PRKCG: variants seen among roughly 807,000 people sequenced by gnomAD.
PRKCG encodes protein kinase C gamma type.
Under a neutral mutation model 82.0 loss-of-function variants are expected in PRKCG, and 28 were observed. That is an observed-to-expected ratio of 0.34 (90% CI 0.25 to 0.47). The LOEUF is 0.47. Among genes scored for constraint, PRKCG ranks in the 20% least tolerant of loss-of-function variants. PRKCG has a pLI of 1.00. For missense variants in PRKCG, 640 were observed against 952.7 expected (o/e 0.67, Z 4.32); for synonymous variants, 383 against 376.6 (o/e 1.02, Z -0.20).
rs370225238 is a variant in PRKCG at position 53,890,540 on chromosome 19, T to G, written c.529+523T>G. Among the ~76,000 whole-genome samples, 106 of 151,726 alleles carry G rather than the reference T, an allele frequency of 7.0e-4. 1 individual carries two copies. Among genetic ancestry groups the G allele is most frequent in the African/African-American group, 2.4e-3 (99 of 41,420 alleles). On this transcript the variant is annotated intron_variant, in intron 5 of 17. Coordinates refer to ENST00000263431, the MANE Select transcript of PRKCG (RefSeq NM_002739.5). ...CCCAAAGTGCTGGGATTAACAGGCG[T>G]GAGCCACCGCGCCTGGCCAATGGCT...
upstream of PRKCG, chr19:53,881,803 CA>C (rs1024208048): frequency 1.9e-5 from 3 of 154,056 alleles, no homozygotes; most frequent in African/African-American, 4.8e-5. Context: ...ATGGAGAGGC[CA>C]GGGGAGGAAA....
intron 14 of PRKCG, among the ~76,000 whole-genome samples, chr19:53,901,959 T>C (rs890529304): frequency 6.6e-6 from 1 of 151,824 alleles, no homozygotes; most frequent in Non-Finnish European, 1.5e-5. Flanking sequence ...ATTACCCGAC[T>C]TTGTTAAAGG....
intron 3 of PRKCG, among the ~76,000 whole-genome samples, chr19:53,885,395 A>AT (rs879905013): frequency 2.0e-4 from 31 of 151,504 alleles, no homozygotes; most frequent in Non-Finnish European, 3.8e-4. Context: ...CACCCCGCTA[A>AT]TTTTTTTTGT....
chr19:53,882,024 G>T (rs1326032090), upstream of PRKCG, among the ~76,000 whole-genome samples: 1 of 152,130 alleles, frequency 6.6e-6, no homozygotes, highest in African/African-American at 2.4e-5. This position sits in a 1 kb window ranked among gnomAD's most constrained non-coding sequence, Gnocchi z 6.1. Context: ...GTGGGGGGGA[G>T]CCAGGCTCAG....
intron 3 of PRKCG, among the ~76,000 whole-genome samples, chr19:53,886,572 TA>T (rs969578755): frequency 4.6e-5 from 7 of 151,316 alleles, no homozygotes; most frequent in African/African-American, 1.7e-4. Context: ...CCTAGCTAAT[TA>T]AAAAAAAATG....
chr19:53,893,312 C>T (rs373948184), intron 8 of PRKCG, 50 bp from the exon 9 acceptor site: 50 of 1,577,044 alleles, frequency 3.2e-5, no homozygotes, highest in East Asian at 4.5e-5. Context: ...TGTTCTAGGG[C>T]GATCCCCTGC....
chr19:53,904,404 G>A (rs2123025067), intron 15 of PRKCG, among the ~76,000 whole-genome samples: 1 of 147,586 alleles, frequency 6.8e-6, no homozygotes, highest in East Asian at 2.0e-4. Context: ...AGGCAGAATA[G>A]TACAGAGATG....
rs1284922278 is a variant in PRKCG at position 53,883,373 on chromosome 19, C to T, written c.202+179C>T. On this transcript the variant is annotated intron_variant, in intron 2 of 17. Coordinates refer to ENST00000263431, the MANE Select transcript of PRKCG (RefSeq NM_002739.5). The surrounding 1 kb of genome is among the most constrained non-coding windows in gnomAD (Gnocchi z 5.4). Reference sequence around the variant, plus strand: ...GGAGGGAGCTTTGATGGTGGGGCCACCGCGGAGGTGGTGCTGGGGGCCCCT... The same window carrying T: ...GGAGGGAGCTTTGATGGTGGGGCCATCGCGGAGGTGGTGCTGGGGGCCCCT... Among the ~76,000 whole-genome samples the T allele has an allele frequency of 1.3e-5, 2 of 151,178 alleles. No individual in the cohort carries two copies. The highest frequency in any genetic ancestry group is 6.6e-5 in the Admixed American group (1 of 15,246).
chr19:53,897,439 GC>G (rs1453720457), intron 9 of PRKCG, among the ~76,000 whole-genome samples: 2 of 152,152 alleles, frequency 1.3e-5, no homozygotes, highest in Non-Finnish European at 2.9e-5. Context: ...TCACCCAGAA[GC>G]TTTTTACACA....
chr19:53,890,397 C>G (rs2068665121), intron 5 of PRKCG, among the ~76,000 whole-genome samples: 1 of 151,658 alleles, frequency 6.6e-6, no homozygotes, highest in South Asian at 2.1e-4. Context: ...GCTGGGATTA[C>G]AGGCGCGTGT....
chr19:53,881,120 C>T (rs2068585242), upstream of PRKCG, among the ~76,000 whole-genome samples: 1 of 95,924 alleles, frequency 1.0e-5, no homozygotes, highest in South Asian at 5.2e-4. Context: ...GGAGAGAGAC[C>T]CCCCTAGCAT....
chr19:53,906,758 G>C lies in PRKCG; in HGVS notation c.1957G>C (p.Ala653Pro). The C allele has an allele frequency of 6.2e-7, 1 of 1,613,458 alleles. No individual in the cohort carries two copies. Among genetic ancestry groups the C allele is most frequent in the Non-Finnish European group, 8.5e-7 (1 of 1,180,008 alleles). Reference protein sequence around the residue: ...FDKFFTRAAPALTPPDRLVLA... With the variant: ...FDKFFTRAAPPLTPPDRLVLA... ...CAAGTTCTTCACGCGGGCGGCGCCA[G>C]CGCTGACCCCTCCAGACCGCCTAGT... Residue 653 changes from alanine to proline, a missense_variant, in exon 18 of 18, where the codon GCG (alanine) becomes CCG (proline). Ala to Pro is a conservative substitution (Grantham distance 27). Transcript: ENST00000263431.
rs756925547 is a variant in PRKCG at position 53,882,276 on chromosome 19, C to T, written c.-219C>T. ...GCTGCCGGCGCCCCTGCCTTTGGCT[C>T]TTCCTCCCCACTCGCCCGCTCCCCC... On this transcript the variant is annotated 5_prime_UTR_variant, in exon 1 of 18. Coordinates refer to ENST00000263431, the MANE Select transcript of PRKCG (RefSeq NM_002739.5). The surrounding 1 kb of genome is among the most constrained non-coding windows in gnomAD (Gnocchi z 6.1). 1.5e-6 allele frequency: 1 copy of T among 649,850 alleles called. No homozygotes were observed. The highest frequency in any genetic ancestry group is 1.7e-5 in the South Asian group (1 of 59,690). The allele number at this position is 649,850 out of a possible 1,614,324, so 40.3% of individuals were successfully genotyped here. A position where few individuals can be genotyped will look rare whatever the true frequency, so the allele number is the denominator to read the frequency against.
rs980671485 is a variant in PRKCG, at chr19:53,892,064, A to T, written c.686+234A>T. Among the ~76,000 whole-genome samples the T allele has an allele frequency of 2.6e-5, 4 of 152,158 alleles. No individual in the cohort carries two copies. Among genetic ancestry groups the T allele is most frequent in the Admixed American group, 6.6e-5 (1 of 15,266 alleles). On this transcript the variant is annotated intron_variant, in intron 6 of 17. Transcript: ENST00000263431. The surrounding 1 kb of genome is among the most constrained non-coding windows in gnomAD (Gnocchi z 5.9). ...AGTCTCCATTGAAGCCCCCAACTTT[A>T]GAGTTAGACAGAGATGAGAGAGAGA...
intron 9 of PRKCG, 144 bp downstream of exon 9, chr19:53,893,535 T>C (rs1277708063): frequency 2.7e-5 from 24 of 896,792 alleles, no homozygotes; most frequent in Non-Finnish European, 1.8e-6. Context: ...TGCTGAATAA[T>C]CCAGGATCCA....
In PRKCG at chr19:53,883,768, G is replaced by A. The variant is rs77398833; in HGVS notation, c.203-393G>A. Among the ~76,000 whole-genome samples the A allele has an allele frequency of 6.8e-3, 1,029 of 152,314 alleles. 11 individuals carry two copies. Among genetic ancestry groups the A allele is most frequent in the African/African-American group, 0.024 (996 of 41,574 alleles). ...CCCAAGTTGCTGCTTCCTGGGCTGCGTCTGAAGATATTTCGGTTTTCGCTC... is the reference window on the plus strand; with the variant it reads ...CCCAAGTTGCTGCTTCCTGGGCTGCATCTGAAGATATTTCGGTTTTCGCTC... On this transcript the variant is annotated intron_variant, in intron 2 of 17. Coordinates refer to ENST00000263431, the MANE Select transcript of PRKCG (RefSeq NM_002739.5). The surrounding 1 kb of genome is among the most constrained non-coding windows in gnomAD (Gnocchi z 5.4).
At position 53,906,715 on chromosome 19, in the gene PRKCG, C is replaced by G. The variant is rs1309908901; in HGVS notation, c.1914C>G (p.Arg638=). Residue 638 remains arginine (R), a synonymous_variant, in exon 18 of 18, where the codon CGC becomes CGG. Coordinates refer to ENST00000263431, the MANE Select transcript of PRKCG (RefSeq NM_002739.5). ...PPPFRPRPCG[R]SGENFDKFFT... is the part of the protein sequence containing the mutation. ...CCCCACGTCTCCCACAGTGTGGCCG[C>G]AGCGGCGAGAACTTTGACAAGTTCT... 1 of 1,612,682 alleles carries G rather than the reference C, an allele frequency of 6.2e-7. No homozygotes were observed. Among genetic ancestry groups the G allele is most frequent in the East Asian group, 2.2e-5 (1 of 44,876 alleles).
chr19:53,896,086 G>A (rs925627521), intron 9 of PRKCG, among the ~76,000 whole-genome samples: 2 of 151,762 alleles, frequency 1.3e-5, no homozygotes, highest in East Asian at 1.9e-4. Context: ...GAGAGAATGG[G>A]CTCTGCAGGA....
intron 11 of PRKCG, among the ~76,000 whole-genome samples, chr19:53,899,402 G>A (rs1224031426): frequency 1.3e-5 from 2 of 152,196 alleles, no homozygotes; most frequent in African/African-American, 2.4e-5. Context: ...CCGAGTGACG[G>A]GGTCATCACT....
Sources: allele counts gnomAD v4.1 joint callset (sites outside exome capture counted in the v4.1 genomes callset), GRCh38; gene constraint gnomAD v4.1.1; non-coding constraint Gnocchi (gnomAD v3.1); transcripts MANE v1.5; gene names NCBI Gene and HGNC (gene_info 2026-07-23, HGNC 2026-07-21).